Variants in SCAMP1 observed in about 807,000 individuals in gnomAD.
SCAMP1 encodes the protein secretory carrier-associated membrane protein 1.
A neutral mutation model predicts 41.8 loss-of-function variants in SCAMP1; 15 were observed. The observed-to-expected ratio is 0.36, with a 90% CI of 0.24 to 0.55. The LOEUF (loss-of-function observed/expected upper bound fraction) is 0.55. SCAMP1 is among the 20% of genes least tolerant of loss of function. SCAMP1 has a pLI of 0.86. For synonymous variants in SCAMP1, 135 were observed against 136.8 expected, an observed-to-expected ratio of 0.99 and a Z score of 0.09; for missense variants, 341 against 412.6, an observed-to-expected ratio of 0.83 and a Z score of 1.50.
At chr5:78,453,939 T>C (rs1489879321) in intron 7 of SCAMP1, among the ~76,000 whole-genome samples, 3 of 152,182 alleles carry the variant, frequency 2.0e-5, no homozygotes, top group East Asian at 3.9e-4. Flanking sequence ...TTTTATTCTC[T>C]TTGAAGCAAT....
At chr5:78,362,052 T>C (rs1467939010) in intron 1 of SCAMP1, among the ~76,000 whole-genome samples, 1 of 152,234 alleles carries the variant, frequency 6.6e-6, no homozygotes, top group African/African-American at 2.4e-5. Flanking sequence ...ACAACTGGCC[T>C]GTACCTTTCA....
At chr5:78,434,632 T>C (rs961758034) in intron 6 of SCAMP1, among the ~76,000 whole-genome samples, 2 of 152,186 alleles carry the variant, frequency 1.3e-5, no homozygotes, top group African/African-American at 4.8e-5. Flanking sequence ...TTTTAAAAAA[T>C]TTTTTAACAT....
chr5:78,378,217 T>C (rs928226060), intron 1 of SCAMP1, among the ~76,000 whole-genome samples: 1 of 152,222 alleles, frequency 6.6e-6, no homozygotes, highest in African/African-American at 2.4e-5. Context: ...AGTAAGTGTA[T>C]ATATAATGTA....
chr5:78,435,641 T>A (rs1488531096), intron 6 of SCAMP1, among the ~76,000 whole-genome samples: 1 of 152,188 alleles, frequency 6.6e-6, no homozygotes, highest in Non-Finnish European at 1.5e-5. Context: ...GACATTTGGG[T>A]TTGTTCCAAG....
intron 1 of SCAMP1, among the ~76,000 whole-genome samples, chr5:78,376,370 G>A (rs1004266661): frequency 6.6e-6 from 1 of 152,160 alleles, no homozygotes; most frequent in Non-Finnish European, 1.5e-5. Context: ...CATGTGGCTG[G>A]TGGCTACCAT....
chr5:78,372,686 A>G (rs1750969966), intron 1 of SCAMP1, among the ~76,000 whole-genome samples: 1 of 152,182 alleles, frequency 6.6e-6, no homozygotes, highest in South Asian at 2.1e-4. Flanking sequence ...CCTCACTTCA[A>G]GTCATGATAT....
chr5:78,462,176 G>A (rs968925042), intron 8 of SCAMP1, among the ~76,000 whole-genome samples: 1 of 147,304 alleles, frequency 6.8e-6, no homozygotes, highest in Non-Finnish European at 1.5e-5. Context: ...TTAGTTAAAT[G>A]TATTCTGGAT....
At chr5:78,452,625 T>A (rs1418528762) in intron 7 of SCAMP1, among the ~76,000 whole-genome samples, 34 of 148,666 alleles carry the variant, frequency 2.3e-4, no homozygotes, top group South Asian at 6.5e-4. Context: ...TCTTTGCCAT[T>A]GTGAATAATG....
chr5:78,422,257 A>G (rs1752355819), intron 6 of SCAMP1, among the ~76,000 whole-genome samples: 1 of 151,974 alleles, frequency 6.6e-6, no homozygotes, highest in Non-Finnish European at 1.5e-5. Context: ...TTATACTTCA[A>G]GGAAAATTTT....
intron 8 of SCAMP1, among the ~76,000 whole-genome samples, chr5:78,471,391 A>C (rs1753879959): frequency 6.6e-6 from 1 of 152,174 alleles, no homozygotes; most frequent in African/African-American, 2.4e-5. Flanking sequence ...GAGGGTTTCC[A>C]GAAATTTCAA....
intron 7 of SCAMP1, among the ~76,000 whole-genome samples, chr5:78,451,555 G>A (rs997944289): frequency 7.9e-5 from 12 of 152,122 alleles, no homozygotes; most frequent in Non-Finnish European, 1.6e-4. Context: ...TTATAGATGT[G>A]GAATCATAGT....
intron 7 of SCAMP1, among the ~76,000 whole-genome samples, chr5:78,454,038 C>G (rs1193288561): frequency 6.6e-6 from 1 of 152,166 alleles, no homozygotes; most frequent in East Asian, 1.9e-4. Context: ...ATTTTGTATC[C>G]TGAGACTTTG....
intron 2 of SCAMP1, among the ~76,000 whole-genome samples, chr5:78,392,173 C>T (rs1451289084): frequency 6.6e-6 from 1 of 151,988 alleles, no homozygotes. Context: ...ATAGTAGCAG[C>T]TTTAGATTAC....
rs145152675 is a variant in SCAMP1, at chr5:78,412,790, G to A, written c.136-2730G>A. On this transcript the variant is annotated intron_variant, in intron 2 of 8. Coordinates refer to ENST00000621999, the MANE Select transcript of SCAMP1 (RefSeq NM_004866.6). ...AACAATTCTTTATATATTCTGGGTA[G>A]CAATTTTCTGTTATATGCATTACAA... 1.3e-3 allele frequency among the ~76,000 whole-genome samples: 199 copies of A among 152,178 alleles called. 2 individuals are homozygous for A. The East Asian group carries it at 0.024, about 18-fold the overall frequency.
At chr5:78,372,465 T>G (rs1750965032) in intron 1 of SCAMP1, among the ~76,000 whole-genome samples, 1 of 152,138 alleles carries the variant, frequency 6.6e-6, no homozygotes, top group Non-Finnish European at 1.5e-5. Context: ...GAAGGTTCAT[T>G]TGTGATATCA....
intron 6 of SCAMP1, among the ~76,000 whole-genome samples, chr5:78,445,016 C>T (rs1753019312): frequency 6.6e-6 from 1 of 152,142 alleles, no homozygotes; most frequent in Non-Finnish European, 1.5e-5. Flanking sequence ...TGTTGAGTTG[C>T]CAGAGTTAAA....
intron 6 of SCAMP1, among the ~76,000 whole-genome samples, chr5:78,433,037 T>TAG (rs1225623084): frequency 6.6e-6 from 1 of 152,186 alleles, no homozygotes; most frequent in Non-Finnish European, 1.5e-5. Flanking sequence ...AAGGTACTCT[T>TAG]CATCTCTGTT....
rs1185242067 is a variant in SCAMP1 at position 78,452,758 on chromosome 5, G to A, written c.734+2724G>A. Reference sequence around the variant, plus strand: ...TCTAGTTCTAGATCCCTGAGGAATCGCCACACTGACTTCCACAATGGTTGA... The same window carrying A: ...TCTAGTTCTAGATCCCTGAGGAATCACCACACTGACTTCCACAATGGTTGA... On this transcript the variant is annotated intron_variant, in intron 7 of 8. Coordinates refer to ENST00000621999, the MANE Select transcript of SCAMP1 (RefSeq NM_004866.6). Among the ~76,000 whole-genome samples the A allele has an allele frequency of 2.3e-3, 339 of 147,864 alleles. 1 individual carries two copies. The highest frequency in any genetic ancestry group is 7.7e-3 in the African/African-American group (311 of 40,248).
At chr5:78,448,624 A>C (rs1315233059) in intron 6 of SCAMP1, among the ~76,000 whole-genome samples, 1 of 152,254 alleles carries the variant, frequency 6.6e-6, no homozygotes, top group Admixed American at 6.5e-5. Flanking sequence ...CTATTACAAT[A>C]GCTAGAATTA....
Sources: allele counts gnomAD v4.1 joint callset (sites outside exome capture counted in the v4.1 genomes callset), GRCh38; gene constraint gnomAD v4.1.1; transcripts MANE v1.5; gene names NCBI Gene and HGNC (gene_info 2026-07-23, HGNC 2026-07-21).